Variants in ACTN3 observed in about 807,000 individuals in gnomAD.
ACTN3 encodes the protein alpha-actinin-3.
ACTN3 carries 91 observed loss-of-function variants against 119.6 expected under a neutral mutation model. That is an observed-to-expected ratio of 0.76 (90% CI 0.64 to 0.91). The LOEUF (loss-of-function observed/expected upper bound fraction) is 0.91, where lower values mean the gene tolerates loss of function less well. Ranked by LOEUF, ACTN3 falls within the 40% of genes least tolerant of loss-of-function variation. The pLI is 0.00. For synonymous variants in ACTN3, 456 were observed against 478.8 expected (o/e 0.95, Z 0.62); for missense variants, 1,221 against 1,215.1 (o/e 1.00, Z -0.07).
upstream of ACTN3, chr11:66,546,832 C>T (rs1857353624): frequency 6.6e-7 from 1 of 1,520,792 alleles, no homozygotes. Context: ...TCCCTCCTCC[C>T]CCATATTTAG....
rs1857823014 is a variant in ACTN3, at chr11:66,562,926, C to T, written c.2519C>T (p.Ala840Val). Residue 840 changes from alanine to valine, a missense_variant, in exon 20 of 21, where the codon GCT becomes GTT. By Grantham distance (64) the Ala-to-Val change is moderately conservative. Coordinates refer to ENST00000513398, the MANE Select transcript of ACTN3 (RefSeq NM_001104.4). ...ACTGACACGACTGAGCAAGTTGTAG[C>T]TTCCTTCAAGATCTTGGCAGGAGAC... ...AETDTTEQVV[A>V]SFKILAGDKN... 2 of 1,613,476 alleles carry T rather than the reference C, an allele frequency of 1.2e-6. No homozygotes were observed. Among genetic ancestry groups the T allele is most frequent in the Admixed American group, 3.3e-5 (2 of 59,986 alleles).
At chr11:66,561,430 C>A (rs1236321154) in intron 16 of ACTN3, 28 bp from the exon 17 acceptor site, 2 of 1,601,772 alleles carry the variant, frequency 1.2e-6, no homozygotes, top group Admixed American at 3.4e-5. Context: ...GAGTTGGGAG[C>A]CCTCATGCTG....
intron 3 of ACTN3, among the ~76,000 whole-genome samples, 192 bp from the exon 4 acceptor site, chr11:66,553,853 C>CAAAAAAAA (rs11448724): frequency 4.9e-5 from 4 of 81,744 alleles, no homozygotes; most frequent in Admixed American, 1.4e-4. Flanking sequence ...GACTCCATCT[C>CAAAAAAAA]AAAAAAAAAA....
intron 17 of ACTN3, 41 bp from the exon 18 acceptor site, chr11:66,561,981 A>G: frequency 1.9e-6 from 3 of 1,569,128 alleles, no homozygotes; most frequent in Non-Finnish European, 2.6e-6. Flanking sequence ...GTGGCCAGGC[A>G]CTGGCCGCCC....
intron 12 of ACTN3, among the ~76,000 whole-genome samples, 191 bp from the exon 13 acceptor site, chr11:66,559,777 C>G (rs1857700136): frequency 6.6e-6 from 1 of 151,804 alleles, no homozygotes; most frequent in Non-Finnish European, 1.5e-5. Flanking sequence ...GCTAAGGACC[C>G]GCGGGCGCCC....
Position 66,557,207 on chromosome 11 carries a change from T to C in ACTN3, c.879T>C (p.Tyr293=). The part of the protein sequence containing the change: ...NQENEKLMEE[Y]EKLASELLEW... ...AAAACGAGAAGCTGATGGAGGAGTA[T>C]GAGAAGCTTGCCAGTGAGGTGAGGC... is the stretch of plus-strand genomic sequence containing the variant. The change falls in exon 9 of 21, where the codon TAT becomes TAC. Residue 293 remains tyrosine (Y), a synonymous_variant. Coordinates refer to ENST00000513398, the MANE Select transcript of ACTN3 (RefSeq NM_001104.4). 2 of 1,552,936 alleles carry C rather than the reference T, an allele frequency of 1.3e-6. No homozygotes were observed. Among genetic ancestry groups the C allele is most frequent in the Non-Finnish European group, 8.7e-7 (1 of 1,147,658 alleles).
At position 66,562,051 on chromosome 11, in the gene ACTN3, C is replaced by A; in HGVS notation, c.2205C>A (p.Leu735=). ...TCCGCGTGGGCTGGGAGCAGCTGCT[C>A]ACCTCCATTGCCCGCACCATCAATG... is the stretch of plus-strand genomic sequence containing the variant. ...EHIRVGWEQL[L]TSIARTINEV... The change falls in exon 18 of 21, where the codon CTC becomes CTA. Residue 735 remains leucine, a synonymous_variant. Transcript: ENST00000513398. 6.2e-7 allele frequency: 1 copy of A among 1,612,888 alleles called. No individual in the cohort carries two copies. The highest frequency in any genetic ancestry group is 8.5e-7 in the Non-Finnish European group (1 of 1,179,532).
Position 66,554,125 on chromosome 11 carries a change from G to A in ACTN3, c.463G>A (p.Val155Met). The A allele has an allele frequency of 6.2e-7, 1 of 1,613,852 alleles. No individual in the cohort carries two copies. Among genetic ancestry groups the A allele is most frequent in the East Asian group, 2.2e-5 (1 of 44,834 alleles). Residue 155 changes from valine to methionine, a missense_variant, in exon 4 of 21, where the codon GTG (valine) becomes ATG (methionine). This residue lies in a region of ACTN3 where 239 missense variants were observed against 231.8 expected (regional missense o/e 1.03). Coordinates refer to ENST00000513398, the MANE Select transcript of ACTN3 (RefSeq NM_001104.4). ...TCGCTTCGCCATCCAGGACATCTCT[G>A]TGGAAGGTGAGCAATGGGAAAGGAG... ...ILRFAIQDIS[V>M]EETSAKEGLL...
At chr11:66,556,291 A>G (rs1297891160) in intron 8 of ACTN3, 61 bp downstream of exon 8, 1 of 1,547,652 alleles carries the variant, frequency 6.5e-7, no homozygotes, top group Non-Finnish European at 8.9e-7. Context: ...CCTTGGCTGT[A>G]GTCCAACATT....
intron 5 of ACTN3, 57 bp from the exon 6 acceptor site, chr11:66,555,073 G>C: frequency 1.3e-6 from 2 of 1,529,086 alleles, no homozygotes; most frequent in Non-Finnish European, 1.8e-6. Context: ...CTGGGCCGAG[G>C]GGAGAACGGG....
Position 66,559,390 on chromosome 11 carries a change from G to GGCGGGGCCTC in ACTN3, c.1427+13_1427+22dup. On this transcript the variant is annotated splice_donor_region_variant and intron_variant, in intron 12 of 20. Coordinates refer to ENST00000513398, the MANE Select transcript of ACTN3 (RefSeq NM_001104.4). ...CCGCGCTGGCCCAGGAGCTCAAGTA[G>GGCGGGGCCTC]GCGGGGCCTCGCGGGGCCCGCCCCC... The GGCGGGGCCTC allele has an allele frequency of 3.3e-6, 5 of 1,513,658 alleles. No homozygotes were observed. Among genetic ancestry groups the GGCGGGGCCTC allele is most frequent in the Non-Finnish European group, 4.4e-6 (5 of 1,138,724 alleles). The allele number at this position is 1,513,658 out of a possible 1,614,324, so 93.8% of individuals were successfully genotyped here.
chr11:66,559,461 C>T, intron 12 of ACTN3, 75 bp downstream of exon 12: 1 of 1,349,344 alleles, frequency 7.4e-7, no homozygotes, highest in Non-Finnish European at 9.7e-7. Flanking sequence ...CCCTGATCCC[C>T]ATTGCCCTTC....
rs376094609 is a variant in ACTN3, at chr11:66,555,182, C to T, written c.610C>T (p.Leu204Phe). 8.3e-5 allele frequency: 134 copies of T among 1,614,038 alleles called. 1 individual carries two copies. The East Asian group carries it at 2.9e-3, about 35-fold the overall frequency. The change falls in exon 6 of 21, where the codon CTC becomes TTC. Residue 204 changes from leucine to phenylalanine, a missense_variant. Leu to Phe is a conservative substitution (Grantham distance 22). This residue lies in a region of ACTN3 where 48 missense variants were observed against 83.4 expected (regional missense o/e 0.58). Coordinates refer to ENST00000513398, the MANE Select transcript of ACTN3 (RefSeq NM_001104.4). ...CCTCATCCACCGACACCGCCCTGACCTCATCGACTACGCCAAACTGCGAAA... is the reference window on the plus strand; with the variant it reads ...CCTCATCCACCGACACCGCCCTGACTTCATCGACTACGCCAAACTGCGAAA... ...CALIHRHRPD[L>F]IDYAKLRKDD... is the part of the protein sequence containing the mutation.
chr11:66,560,431 G>A (rs1857726647), intron 14 of ACTN3, 120 bp downstream of exon 14: 9 of 1,478,522 alleles, frequency 6.1e-6, no homozygotes, highest in Non-Finnish European at 7.2e-6. Flanking sequence ...GTTCCCGAGT[G>A]CTGGGCTGGA....
chr11:66,547,150 C>T (rs1268518016), intron 1 of ACTN3, 66 bp downstream of exon 1: 1 of 1,438,112 alleles, frequency 7.0e-7, no homozygotes, highest in Non-Finnish European at 9.1e-7. Flanking sequence ...TTGTCCTGGG[C>T]ATCTCAGCAG....
chr11:66,557,232 C>T lies in ACTN3; in HGVS notation c.897+7C>T, dbSNP rs776777159. The T allele has an allele frequency of 1.9e-6, 3 of 1,551,800 alleles. No individual in the cohort carries two copies. In the South Asian group the frequency reaches 3.6e-5, roughly 18 times the overall value. On this transcript the variant is annotated splice_region_variant and intron_variant, in intron 9 of 20. Coordinates refer to ENST00000513398, the MANE Select transcript of ACTN3 (RefSeq NM_001104.4). ...TGAGAAGCTTGCCAGTGAGGTGAGG[C>T]TGGGCTCCCACCGTGCTCTCCCCAC...
chr11:66,556,626 A>G (rs1857595967), intron 8 of ACTN3, among the ~76,000 whole-genome samples: 1 of 152,012 alleles, frequency 6.6e-6, no homozygotes. Context: ...TTGTAGAGAT[A>G]GTGTTTCATC....
At chr11:66,559,029 A>AG in intron 11 of ACTN3, 1 of 435,846 alleles carries the variant, frequency 2.3e-6, no homozygotes, top group Non-Finnish European at 3.9e-6. Flanking sequence ...TAGCTCGCTC[A>AG]GGGGACGCTG....
In ACTN3 at chr11:66,557,803, G is replaced by A; in HGVS notation, c.1002G>A (p.Arg334=). 1 of 1,614,042 alleles carries A rather than the reference G, an allele frequency of 6.2e-7. No individual in the cohort carries two copies. The highest frequency in any genetic ancestry group is 8.5e-7 in the Non-Finnish European group (1 of 1,179,952). Residue 334 remains arginine (R), a synonymous_variant, in exon 10 of 21, where the codon CGG becomes CGA. Coordinates refer to ENST00000513398, the MANE Select transcript of ACTN3 (RefSeq NM_001104.4). The part of the protein sequence containing the change: ...QRKLEDFRDY[R]RLHKPPRIQE... ...AACTAGAGGACTTTCGGGACTACCG[G>A]CGTCTGCACAAGCCGCCCCGCATTC...
Sources: gnomAD v4.1 joint callset for allele counts (sites outside exome capture counted in the v4.1 genomes callset) on GRCh38, gnomAD v4.1.1 for gene constraint, gnomAD v4.1.1 regional missense constraint, MANE v1.5 for transcripts, NCBI Gene and HGNC (gene_info 2026-07-23, HGNC 2026-07-21) for gene names.